ADGRL3: variants seen among roughly 807,000 people sequenced by gnomAD.
ADGRL3 encodes calcium-independent alpha-latrotoxin receptor 3.
Under a neutral mutation model 153.5 loss-of-function variants are expected in ADGRL3, and 62 were observed. The observed-to-expected ratio is 0.40, with a 90% CI of 0.33 to 0.50. The LOEUF is 0.50. Among genes scored for constraint, ADGRL3 ranks in the 20% least tolerant of loss-of-function variants. The probability of loss-of-function intolerance (pLI) is 0.47; values close to 1 mark genes in which losing one functional copy is unlikely to be tolerated. For missense variants in ADGRL3, 1,641 were observed against 1,859.4 expected, an observed-to-expected ratio of 0.88 and a Z score of 2.16; for synonymous variants, 710 against 672.5, an observed-to-expected ratio of 1.06 and a Z score of -0.86.
At position 61,257,768 on chromosome 4, in the gene ADGRL3, A is replaced by G. The variant is rs977048167; in HGVS notation, c.-240+56003A>G. On this transcript the variant is annotated intron_variant, in intron 1 of 26. Coordinates refer to ENST00000683033, the MANE Select transcript of ADGRL3 (RefSeq NM_001387552.1). Reference sequence around the variant, plus strand: ...ATCAGTGATCATCTGTAGTCAGTTTATACAAACTTATTAAAGATTATTTCA... The same window carrying G: ...ATCAGTGATCATCTGTAGTCAGTTTGTACAAACTTATTAAAGATTATTTCA... Among the ~76,000 whole-genome samples the G allele has an allele frequency of 2.6e-5, 4 of 152,222 alleles. No homozygotes were observed. The East Asian group carries it at 7.7e-4, about 29-fold the overall frequency.
chr4:61,809,781 T>C (rs879877899), intron 8 of ADGRL3, among the ~76,000 whole-genome samples: 4 of 151,982 alleles, frequency 2.6e-5, no homozygotes, highest in Non-Finnish European at 5.9e-5. Flanking sequence ...CTGTGCCTCA[T>C]GAATTAATGA....
chr4:61,987,896 T>C (rs1295979536), intron 19 of ADGRL3, among the ~76,000 whole-genome samples: 1 of 152,102 alleles, frequency 6.6e-6, no homozygotes, highest in African/African-American at 2.4e-5. Context: ...TTTATTATAC[T>C]GACAATGAGG....
Position 62,070,860 on chromosome 4 carries a change from T to C in ADGRL3, c.4584T>C (p.Pro1528=), listed in dbSNP as rs1745439063. Reference sequence around the variant, plus strand: ...TTCCTCCAAACAAAGATGGGACCCCTCCCGAGGGAAGTTCAAAAGGACCGG... The same window carrying C: ...TTCCTCCAAACAAAGATGGGACCCCCCCCGAGGGAAGTTCAAAAGGACCGG... ...FIVPPNKDGT[P]PEGSSKGPAH... Residue 1528 remains proline (P), a synonymous_variant, in exon 27 of 27, where the codon CCT becomes CCC. Transcript: ENST00000683033. 6.4e-7 allele frequency: 1 copy of C among 1,551,296 alleles called. No homozygotes were observed. Among genetic ancestry groups the C allele is most frequent in the African/African-American group, 1.4e-5 (1 of 72,986 alleles).
intron 8 of ADGRL3, among the ~76,000 whole-genome samples, chr4:61,811,681 T>G (rs1240992137): frequency 1.3e-5 from 2 of 152,152 alleles, no homozygotes; most frequent in South Asian, 2.1e-4. Flanking sequence ...GTAGTGTGTC[T>G]ATATCTCCAT....
At chr4:61,216,417 C>T (rs1041825936) in intron 1 of ADGRL3, among the ~76,000 whole-genome samples, 1 of 151,310 alleles carries the variant, frequency 6.6e-6, no homozygotes, top group Admixed American at 6.6e-5. Flanking sequence ...AGCTTTAGGC[C>T]CATAGCAGTG....
chr4:61,878,694 C>T (rs1340185214), intron 9 of ADGRL3, among the ~76,000 whole-genome samples: 2 of 151,956 alleles, frequency 1.3e-5, no homozygotes, highest in East Asian at 3.9e-4. Context: ...ATTATTTGAC[C>T]CCTCTTCTGT....
chr4:61,909,828 A>G (rs1162764810), intron 12 of ADGRL3, 83 bp downstream of exon 12: 8 of 1,076,976 alleles, frequency 7.4e-6, no homozygotes, highest in Non-Finnish European at 1.0e-5. Flanking sequence ...AAAATCAGAA[A>G]GACTTCACTG....
At chr4:61,701,195 G>A (rs1214588600) in intron 6 of ADGRL3, among the ~76,000 whole-genome samples, 1 of 152,108 alleles carries the variant, frequency 6.6e-6, no homozygotes, top group East Asian at 1.9e-4. Flanking sequence ...TAGAGAAGGT[G>A]TGTCAAAGTT....
At chr4:61,412,268 C>T (rs1037496917) in intron 2 of ADGRL3, among the ~76,000 whole-genome samples, 2 of 151,920 alleles carry the variant, frequency 1.3e-5, no homozygotes, top group Non-Finnish European at 2.9e-5. Flanking sequence ...AAATTTTTTT[C>T]ATAGGGACAG....
chr4:61,856,987 T>TC (rs1373283771), intron 9 of ADGRL3, among the ~76,000 whole-genome samples: 4 of 136,474 alleles, frequency 2.9e-5, no homozygotes, highest in African/African-American at 1.1e-4. Flanking sequence ...TTTCTTTCTT[T>TC]CTTTCTTTCT....
intron 5 of ADGRL3, among the ~76,000 whole-genome samples, chr4:61,645,353 G>A (rs866030752): frequency 5.2e-4 from 78 of 150,908 alleles, no homozygotes; most frequent in African/African-American, 1.6e-3. Context: ...GATTTTGCTC[G>A]TTAGTTGATG....
chr4:61,880,108 G>A (rs1284837450), intron 9 of ADGRL3, among the ~76,000 whole-genome samples: 1 of 152,128 alleles, frequency 6.6e-6, no homozygotes, highest in Non-Finnish European at 1.5e-5. Flanking sequence ...AAGTGATTGA[G>A]GAGAAGTTAC....
chr4:61,455,044 A>T (rs1024845743), intron 2 of ADGRL3, among the ~76,000 whole-genome samples: 1 of 152,164 alleles, frequency 6.6e-6, no homozygotes, highest in African/African-American at 2.4e-5. Flanking sequence ...CAAAAAAACA[A>T]CCCAAATGAT....
chr4:61,965,312 T>G (rs2099002338), intron 17 of ADGRL3, among the ~76,000 whole-genome samples: 1 of 152,134 alleles, frequency 6.6e-6, no homozygotes, highest in African/African-American at 2.4e-5. Flanking sequence ...TTCTGGCCTA[T>G]TTCATTTGGC....
intron 21 of ADGRL3, among the ~76,000 whole-genome samples, chr4:62,006,157 C>T (rs2099158399): frequency 6.6e-6 from 1 of 150,914 alleles, no homozygotes; most frequent in South Asian, 2.1e-4. Flanking sequence ...GCCTCAGCCT[C>T]CCAAGTAGCC....
chr4:61,247,298 G>GT (rs1757484249), intron 1 of ADGRL3, among the ~76,000 whole-genome samples: 1 of 151,998 alleles, frequency 6.6e-6, no homozygotes, highest in Non-Finnish European at 1.5e-5. Flanking sequence ...TTCAGAGAGT[G>GT]TTTTTATAAA....
intron 2 of ADGRL3, among the ~76,000 whole-genome samples, chr4:61,457,461 A>G (rs999501863): frequency 1.3e-5 from 2 of 152,002 alleles, no homozygotes; most frequent in African/African-American, 4.8e-5. Context: ...CAATTTTATT[A>G]CCAGAACTCT....
At chr4:62,015,330 A>G (rs1201735935) in intron 21 of ADGRL3, among the ~76,000 whole-genome samples, 1 of 152,218 alleles carries the variant, frequency 6.6e-6, no homozygotes, top group African/African-American at 2.4e-5. Context: ...TTTAAACCAG[A>G]TACTTCAATG....
At chr4:61,593,390 G>T (rs1046088901) in intron 5 of ADGRL3, among the ~76,000 whole-genome samples, 1 of 151,442 alleles carries the variant, frequency 6.6e-6, no homozygotes, top group Non-Finnish European at 1.5e-5. Flanking sequence ...TTCTTGTTTT[G>T]TTTTTTTCCT....
Sources: gnomAD v4.1 joint callset for allele counts (sites outside exome capture counted in the v4.1 genomes callset) on GRCh38, gnomAD v4.1.1 for gene constraint, MANE v1.5 for transcripts, NCBI Gene and HGNC (gene_info 2026-07-23, HGNC 2026-07-21) for gene names.